ADD2: variants seen among roughly 807,000 people sequenced by gnomAD.
ADD2 encodes the protein adducin 2.
A neutral mutation model predicts 83.0 loss-of-function variants in ADD2; 23 were observed. That is an observed-to-expected ratio of 0.28 (90% CI 0.20 to 0.39). The LOEUF (loss-of-function observed/expected upper bound fraction) is 0.39. Ranked by LOEUF, ADD2 falls within the 10% of genes least tolerant of loss-of-function variation. ADD2 has a pLI of 1.00. For synonymous variants in ADD2, 375 were observed against 375.4 expected, an observed-to-expected ratio of 1.00 and a Z score of 0.01; for missense variants, 758 against 944.9, an observed-to-expected ratio of 0.80 and a Z score of 2.59.
At chr2:70,673,074 C>T in intron 14 of ADD2, 68 bp from the exon 15 acceptor site, 1 of 1,570,568 alleles carries the variant, frequency 6.4e-7, no homozygotes, top group Non-Finnish European at 8.6e-7. Context: ...GAAATAAAGC[C>T]TTTTAAAAAT....
intron 1 of ADD2, among the ~76,000 whole-genome samples, chr2:70,726,805 C>T (rs1198035922): frequency 6.6e-6 from 1 of 152,088 alleles, no homozygotes; most frequent in Non-Finnish European, 1.5e-5. Context: ...GGTAGCTTTA[C>T]CCACTAAAAC....
At chr2:70,747,964 T>C (rs575871799) in intron 1 of ADD2, among the ~76,000 whole-genome samples, 1 of 152,338 alleles carries the variant, frequency 6.6e-6, no homozygotes, top group Admixed American at 6.5e-5. Flanking sequence ...TGAGGCTTTA[T>C]GTGACCTGCA....
intron 15 of ADD2, among the ~76,000 whole-genome samples, chr2:70,669,247 C>T (rs1197651259): frequency 2.0e-5 from 3 of 152,148 alleles, no homozygotes; most frequent in African/African-American, 7.2e-5. Flanking sequence ...TCTCAAACAT[C>T]CGTGTCTGAA....
intron 4 of ADD2, 58 bp downstream of exon 4, chr2:70,704,263 T>TCGGC: frequency 2.2e-6 from 2 of 913,238 alleles, no homozygotes; most frequent in Non-Finnish European, 1.7e-6. Flanking sequence ...CTCCCTCTCT[T>TCGGC]CCCCACCCCA....
chr2:70,673,721 T>C (rs1439373870), intron 14 of ADD2, among the ~76,000 whole-genome samples: 4 of 152,174 alleles, frequency 2.6e-5, no homozygotes, highest in African/African-American at 9.7e-5. Context: ...CACAGCCTCC[T>C]GAGTATCTGA....
At chr2:70,686,505 G>T (rs1305603016) in intron 9 of ADD2, among the ~76,000 whole-genome samples, 1 of 152,158 alleles carries the variant, frequency 6.6e-6, no homozygotes, top group Admixed American at 6.5e-5. Context: ...CACCATGTGG[G>T]GTGGTGCGAC....
chr2:70,711,745 G>A (rs1305685750), intron 2 of ADD2, among the ~76,000 whole-genome samples: 5 of 152,160 alleles, frequency 3.3e-5, no homozygotes, highest in African/African-American at 9.7e-5. Context: ...TTCCATGTGG[G>A]TGTTCCAGAG....
chr2:70,684,838 C>CT (rs1339936541), intron 9 of ADD2, among the ~76,000 whole-genome samples: 12 of 152,288 alleles, frequency 7.9e-5, no homozygotes, highest in African/African-American at 2.9e-4. Context: ...GCAATGGACT[C>CT]TGAGTATTAG....
chr2:70,755,913 G>T (rs1180740593), intron 1 of ADD2, among the ~76,000 whole-genome samples: 2 of 151,920 alleles, frequency 1.3e-5, no homozygotes, highest in African/African-American at 2.4e-5. Context: ...ACAAAAATCA[G>T]CTAGGCATGG....
intron 1 of ADD2, among the ~76,000 whole-genome samples, chr2:70,766,986 T>A (rs192785481): frequency 2.6e-5 from 4 of 152,242 alleles, no homozygotes; most frequent in Admixed American, 1.3e-4. Flanking sequence ...TATTTTTAGT[T>A]TTGGGCAAGA....
intron 1 of ADD2, among the ~76,000 whole-genome samples, chr2:70,746,605 C>T (rs1194284290): frequency 1.3e-5 from 2 of 152,190 alleles, no homozygotes; most frequent in East Asian, 3.9e-4. Flanking sequence ...CGCAGTCTGA[C>T]TCTACCACTT....
chr2:70,716,000 C>G lies in ADD2; in HGVS notation c.-153-2816G>C, dbSNP rs188258498. On this transcript the variant is annotated intron_variant, in intron 1 of 15. Coordinates refer to ENST00000264436, the MANE Select transcript of ADD2 (RefSeq NM_001617.4). ...TGCCCTGCTAAAAATCCATCTCTGT[C>G]TCTAGTGGCCGTGTTCCTTAACCTT... Among the ~76,000 whole-genome samples, 529 of 152,334 alleles carry G rather than the reference C, an allele frequency of 3.5e-3. 2 individuals carry two copies. The highest frequency in any genetic ancestry group is 0.012 in the African/African-American group (493 of 41,564).
rs1314465618 is a variant in ADD2 at position 70,678,807 on chromosome 2, T to G, written c.1280A>C (p.Gln427Pro). 6.2e-7 allele frequency: 1 copy of G among 1,614,064 alleles called. No individual in the cohort carries two copies. Among genetic ancestry groups the G allele is most frequent in the Non-Finnish European group, 8.5e-7 (1 of 1,180,048 alleles). Reference sequence around the variant, plus strand: ...ATTGAGCCAGCGGGTCTTCTCCTTCTGCTGCTTCTGGGCATGCTGTCGCAG... The same window carrying G: ...ATTGAGCCAGCGGGTCTTCTCCTTCGGCTGCTTCTGGGCATGCTGTCGCAG... ...PALRQHAQKQ[Q>P]KEKTRWLNTP... Residue 427 changes from glutamine to proline, a missense_variant, in exon 11 of 16, where the codon CAG becomes CCG. Coordinates refer to ENST00000264436, the MANE Select transcript of ADD2 (RefSeq NM_001617.4).
intron 7 of ADD2, among the ~76,000 whole-genome samples, 183 bp downstream of exon 7, chr2:70,692,220 C>T (rs1671077801): frequency 6.6e-6 from 1 of 152,326 alleles, no homozygotes; most frequent in Non-Finnish European, 1.5e-5. Flanking sequence ...TCCATGTCTT[C>T]ACGTTATGCT....
chr2:70,699,527 C>T (rs1452125316), intron 4 of ADD2, among the ~76,000 whole-genome samples: 1 of 152,176 alleles, frequency 6.6e-6, no homozygotes, highest in Non-Finnish European at 1.5e-5. Flanking sequence ...CACCTGCAGT[C>T]CCAGCACTCT....
At position 70,673,156 on chromosome 2, in the gene ADD2, C is replaced by T. The variant is rs78306076; in HGVS notation, c.1742-150G>A. On this transcript the variant is annotated intron_variant, in intron 14 of 15. Transcript: ENST00000264436. ...TTCTAGCTGAAGTTAGCTCCTCCCCCTGACCTTCTTAGATTTCTGCTACTT... is the reference window on the plus strand; with the variant it reads ...TTCTAGCTGAAGTTAGCTCCTCCCCTTGACCTTCTTAGATTTCTGCTACTT... 8.2e-4 allele frequency: 1,278 copies of T among 1,564,196 alleles called. 8 individuals are homozygous for T. In the African/African-American group the frequency reaches 0.015, roughly 18 times the overall value.
At chr2:70,755,139 A>G (rs1048510767) in intron 1 of ADD2, among the ~76,000 whole-genome samples, 15 of 152,174 alleles carry the variant, frequency 9.9e-5, no homozygotes, top group African/African-American at 3.6e-4. Context: ...TACACCTTTC[A>G]GATGATTTCT....
intron 9 of ADD2, among the ~76,000 whole-genome samples, chr2:70,685,362 C>T (rs556493850): frequency 3.3e-5 from 5 of 152,278 alleles, no homozygotes; most frequent in East Asian, 1.9e-4. Context: ...AGGTGACCCC[C>T]GTCACCCTAT....
intron 1 of ADD2, among the ~76,000 whole-genome samples, chr2:70,748,234 T>C (rs1674330161): frequency 6.6e-6 from 1 of 151,214 alleles, no homozygotes; most frequent in Non-Finnish European, 1.5e-5. Flanking sequence ...CCTGCCCTCC[T>C]CCTCACTCCA....
Sources: gnomAD v4.1 joint callset for allele counts (sites outside exome capture counted in the v4.1 genomes callset) on GRCh38, gnomAD v4.1.1 for gene constraint, MANE v1.5 for transcripts, NCBI Gene and HGNC (gene_info 2026-07-23, HGNC 2026-07-21) for gene names.